Variants in PINK1 observed in about 807,000 individuals in gnomAD.
PINK1 encodes the protein serine/threonine-protein kinase PINK1, mitochondrial.
A neutral mutation model predicts 56.0 loss-of-function variants in PINK1; 58 were observed. The observed-to-expected ratio is 1.04, with a 90% CI of 0.84 to 1.29. The LOEUF is 1.29. Ranked by LOEUF, PINK1 falls within the 50% of genes most tolerant of loss-of-function variation. The pLI, the probability that PINK1 is intolerant of heterozygous loss-of-function variation, is 0.00. For missense variants in PINK1, 745 were observed against 777.9 expected (o/e 0.96, Z 0.50); for synonymous variants, 354 against 339.3 (o/e 1.04, Z -0.48).
chr1:20,633,503 G>A lies in PINK1; in HGVS notation c.-46G>A. ...GTTGTGACCGGCGGGGGACGCCGGTGGTGGCGGCAGCGGCGGCTGCGGGGG... is the reference window on the plus strand; with the variant it reads ...GTTGTGACCGGCGGGGGACGCCGGTAGTGGCGGCAGCGGCGGCTGCGGGGG... On this transcript the variant is annotated 5_prime_UTR_variant, in exon 1 of 8. Coordinates refer to ENST00000321556, the MANE Select transcript of PINK1 (RefSeq NM_032409.3). 1 of 1,113,282 alleles carries A rather than the reference G, an allele frequency of 9.0e-7. No individual in the cohort carries two copies. Among genetic ancestry groups the A allele is most frequent in the Non-Finnish European group, 1.1e-6 (1 of 912,776 alleles). The allele number at this position is 1,113,282 out of a possible 1,614,324, so 69.0% of individuals were successfully genotyped here. A position where few individuals can be genotyped will look rare whatever the true frequency, so the allele number is the denominator to read the frequency against.
Position 20,633,850 on chromosome 1 carries a change from T to G in PINK1, c.302T>G (p.Phe101Cys). ...GCGGGCCCTTGCGGCCGGGCAGTCT[T>G]TCTGGCCTTCGGGCTAGGGCTGGGC... Reference protein sequence around the residue: ...GCAGPCGRAVFLAFGLGLGLI... With the variant: ...GCAGPCGRAVCLAFGLGLGLI... Residue 101 changes from phenylalanine to cysteine, a missense_variant, in exon 1 of 8, where the codon TTT becomes TGT. Coordinates refer to ENST00000321556, the MANE Select transcript of PINK1 (RefSeq NM_032409.3). 2 of 1,578,812 alleles carry G rather than the reference T, an allele frequency of 1.3e-6. No homozygotes were observed. Among genetic ancestry groups the G allele is most frequent in the Non-Finnish European group, 1.7e-6 (2 of 1,165,050 alleles).
rs1339739201 is a variant in PINK1, at chr1:20,650,954, C to G, written c.*263C>G. On this transcript the variant is annotated 3_prime_UTR_variant, in exon 8 of 8. Coordinates refer to ENST00000321556, the MANE Select transcript of PINK1 (RefSeq NM_032409.3). ...CTGAGGAGGGGTAGGCCTGCATCCACAGAGAGGATCCAGGCCAAGGCACTG... is the reference window on the plus strand; with the variant it reads ...CTGAGGAGGGGTAGGCCTGCATCCAGAGAGAGGATCCAGGCCAAGGCACTG... 9.3e-6 allele frequency: 5 copies of G among 535,718 alleles called. No individual in the cohort carries two copies. The East Asian group carries it at 1.4e-4, about 15-fold the overall frequency. The allele number at this position is 535,718 out of a possible 1,614,324, so 33.2% of individuals were successfully genotyped here.
intron 7 of PINK1, 34 bp downstream of exon 7, chr1:20,649,265 G>T (rs377516558): frequency 2.5e-6 from 4 of 1,604,688 alleles, no homozygotes; most frequent in Non-Finnish European, 2.6e-6. Context: ...GGGACGGTGT[G>T]GGTAGAAACC....
intron 5 of PINK1, 79 bp downstream of exon 5, chr1:20,645,802 G>A (rs2053173207): frequency 2.0e-6 from 3 of 1,531,234 alleles, no homozygotes; most frequent in Admixed American, 1.8e-5. Context: ...GACTCTTCAG[G>A]TCCTCTCTGG....
intron 2 of PINK1, chr1:20,639,484 T>C: frequency 3.2e-6 from 1 of 309,140 alleles, no homozygotes; most frequent in Non-Finnish European, 6.5e-6. Flanking sequence ...TCAGTACAAC[T>C]TCACCCAGGG....
At chr1:20,634,454 A>G (rs1232586706) in intron 1 of PINK1, among the ~76,000 whole-genome samples, 7 of 152,190 alleles carry the variant, frequency 4.6e-5, no homozygotes, top group Non-Finnish European at 1.5e-5. Flanking sequence ...CAGTCCTAAC[A>G]TTTTAGTTAC....
intron 6 of PINK1, 84 bp from the exon 7 acceptor site, chr1:20,648,911 T>C: frequency 2.0e-6 from 3 of 1,469,008 alleles, no homozygotes; most frequent in Non-Finnish European, 2.9e-6. Flanking sequence ...GAGTTCAGAT[T>C]AGCCCATGGA....
rs926324881 is a variant in PINK1, at chr1:20,641,671, C to T, written c.776+1679C>T. On this transcript the variant is annotated intron_variant, in intron 3 of 7. Transcript: ENST00000321556. This position sits in a 1 kb window ranked among gnomAD's most constrained non-coding sequence, Gnocchi z 4.0. ...CACCCTGGGTTCATTTCCTCCTAGCCTCTGCTCTCCTGGGGCCCAGAGATT... is the reference window on the plus strand; with the variant it reads ...CACCCTGGGTTCATTTCCTCCTAGCTTCTGCTCTCCTGGGGCCCAGAGATT... Among the ~76,000 whole-genome samples, 6 of 152,134 alleles carry T rather than the reference C, an allele frequency of 3.9e-5. No homozygotes were observed. The highest frequency in any genetic ancestry group is 1.4e-4 in the African/African-American group (6 of 41,412).
chr1:20,638,308 A>T, intron 2 of PINK1, 179 bp downstream of exon 2: 1 of 734,466 alleles, frequency 1.4e-6, no homozygotes, highest in Non-Finnish European at 2.2e-6. Context: ...AATGTTTGAA[A>T]TTGTATTCTG....
chr1:20,633,582 C>T lies in PINK1; in HGVS notation c.34C>T (p.Gln12Ter). Residue 12 changes from glutamine (Q) to a stop codon, truncating the protein, a stop_gained, in exon 1 of 8, where the codon CAG becomes TAG. Coordinates refer to ENST00000321556, the MANE Select transcript of PINK1 (RefSeq NM_032409.3). LOFTEE classifies it high-confidence loss of function. The stretch of plus-strand genomic sequence containing the variant: ...GCGACAGGCGCTGGGCCGCGGCCTG[C>T]AGCTGGGTCGAGCGCTGCTGCTGCG... ...AVRQALGRGL[Q>*]LGRALLLRFT... 1 of 1,225,520 alleles carries T rather than the reference C, an allele frequency of 8.2e-7. No individual in the cohort carries two copies. Among genetic ancestry groups the T allele is most frequent in the Non-Finnish European group, 1.0e-6 (1 of 985,206 alleles). The allele number at this position is 1,225,520 out of a possible 1,614,324, so 75.9% of individuals were successfully genotyped here. A position where few individuals can be genotyped will look rare whatever the true frequency, so the allele number is the denominator to read the frequency against.
At chr1:20,649,645 A>G in intron 7 of PINK1, 1 of 216,766 alleles carries the variant, frequency 4.6e-6, no homozygotes, top group South Asian at 6.9e-5. Flanking sequence ...CACGCCTGTA[A>G]TTCCAGGTAC....
chr1:20,649,313 A>G, intron 7 of PINK1, 82 bp downstream of exon 7: 1 of 1,422,312 alleles, frequency 7.0e-7, no homozygotes, highest in Non-Finnish European at 9.9e-7. Flanking sequence ...GGTTTGGGCC[A>G]GAGCCACAGT....
rs2053015980 is a variant in PINK1, at chr1:20,633,664, G to T, written c.116G>T (p.Gly39Val). ...TTGGGGCGGCCGGGCCCGGCGGCGG[G>T]CTGTGTCCGCGGGGAGCGTCCAGGC... ...YGLGRPGPAA[G>V]CVRGERPGWA... Residue 39 changes from glycine to valine, a missense_variant, in exon 1 of 8, where the codon GGC becomes GTC. Transcript: ENST00000321556. The T allele has an allele frequency of 5.2e-6, 7 of 1,356,868 alleles. No homozygotes were observed. The highest frequency in any genetic ancestry group is 6.6e-6 in the Non-Finnish European group (7 of 1,063,846). The allele number at this position is 1,356,868 out of a possible 1,614,324, so 84.1% of individuals were successfully genotyped here. A position where few individuals can be genotyped will look rare whatever the true frequency, so the allele number is the denominator to read the frequency against.
At chr1:20,645,439 A>C in intron 4 of PINK1, 121 bp from the exon 5 acceptor site, 1 of 1,183,084 alleles carries the variant, frequency 8.5e-7, no homozygotes, top group Non-Finnish European at 1.2e-6. Context: ...CAGTGAGCCA[A>C]GATCGTGCTA....
At position 20,633,814 on chromosome 1, in the gene PINK1, C is replaced by T; in HGVS notation, c.266C>T (p.Ala89Val). 8.9e-6 allele frequency: 14 copies of T among 1,577,230 alleles called. No individual in the cohort carries two copies. Among genetic ancestry groups the T allele is most frequent in the Non-Finnish European group, 1.2e-5 (14 of 1,165,822 alleles). Residue 89 changes from alanine to valine, a missense_variant, in exon 1 of 8, where the codon GCC (alanine) becomes GTC (valine). Ala to Val is a moderately conservative substitution (Grantham distance 64). Coordinates refer to ENST00000321556, the MANE Select transcript of PINK1 (RefSeq NM_032409.3). ...TTGCAGCGGCAGTTCGTGGTGCGGG[C>T]CTGGGGCTGCGCGGGCCCTTGCGGC... Reference protein sequence around the residue: ...ARLQRQFVVRAWGCAGPCGRA... With the variant: ...ARLQRQFVVRVWGCAGPCGRA...
intron 3 of PINK1, 138 bp from the exon 4 acceptor site, chr1:20,644,352 C>A: frequency 9.5e-7 from 1 of 1,049,458 alleles, no homozygotes; most frequent in Non-Finnish European, 1.5e-6. Context: ...GTACCTGGCA[C>A]ATAGCAAATC....
At chr1:20,648,926 G>A in intron 6 of PINK1, 69 bp from the exon 7 acceptor site, 1 of 1,507,446 alleles carries the variant, frequency 6.6e-7, no homozygotes, top group South Asian at 1.1e-5. Flanking sequence ...CATGGATCAG[G>A]TGATGTGCAG....
rs765479907 is a variant in PINK1 at position 20,644,721 on chromosome 1, G to A, written c.959+49G>A. 11 of 1,604,638 alleles carry A rather than the reference G, an allele frequency of 6.9e-6. No individual in the cohort carries two copies. The South Asian group carries it at 1.1e-4, about 16-fold the overall frequency. On this transcript the variant is annotated intron_variant, in intron 4 of 7. Transcript: ENST00000321556. ...GCCTGGAGCTGATACATCTCCCAAG[G>A]GGAGCTGGTTCCTGCCCTCCATGTG...
intron 7 of PINK1, 179 bp from the exon 8 acceptor site, chr1:20,650,255 T>C: frequency 1.3e-6 from 1 of 791,968 alleles, no homozygotes; most frequent in Non-Finnish European, 2.1e-6. Context: ...TGGAAAAGCT[T>C]GGAGCACGGG....
Sources: gnomAD v4.1 joint callset for allele counts (sites outside exome capture counted in the v4.1 genomes callset) on GRCh38, gnomAD v4.1.1 for gene constraint, Gnocchi (gnomAD v3.1) non-coding constraint, MANE v1.5 for transcripts, NCBI Gene and HGNC (gene_info 2026-07-23, HGNC 2026-07-21) for gene names.